The following JADE3 variants were observed in gnomAD, a reference collection of about 807,000 sequenced individuals.
JADE3 encodes protein Jade-3.
JADE3 carries 2 observed loss-of-function variants against 50.1 expected under a neutral mutation model. The ratio of observed to expected loss-of-function variants is 0.04; its 90% CI spans 0.02 to 0.13. The LOEUF is 0.13. Among genes scored for constraint, JADE3 ranks in the 10% least tolerant of loss-of-function variants. JADE3 has a pLI of 1.00. For missense variants in JADE3, 475 were observed against 634.4 expected (o/e 0.75, Z 2.70); for synonymous variants, 218 against 232.9 (o/e 0.94, Z 0.58).
chrX:46,925,237 AT>A (rs1358985415), intron 1 of JADE3, among the ~76,000 whole-genome samples: 5 of 112,342 alleles, frequency 4.5e-5, no homozygotes, highest in Non-Finnish European at 7.5e-5. Context: ...CCCAGGGTTA[AT>A]TTTGATTACT....
At chrX:47,028,784 TG>T (rs1569538004) in intron 6 of JADE3, among the ~76,000 whole-genome samples, 1 of 111,316 alleles carries the variant, frequency 9.0e-6, no homozygotes, top group Non-Finnish European at 1.9e-5. Context: ...ACAAGCACTG[TG>T]TTCCAACAAA....
At position 47,058,964 on chromosome X, in the gene JADE3, G is replaced by A. The variant is rs1283787245; in HGVS notation, c.2359G>A (p.Val787Ile). ...AGAAAGTGATGGGAATAAAGAAAAA[G>A]TCAGGGTAAGGAAAGATAGCTCAGA... ...EAESDGNKEK[V>I]RVRKDSSDRE... Residue 787 changes from valine (V) to isoleucine (I), a missense_variant, in exon 11 of 11, where the codon GTC becomes ATC. Val to Ile is a conservative substitution (Grantham distance 29). Transcript: ENST00000614628. 1 of 1,210,745 alleles carries A rather than the reference G, an allele frequency of 8.3e-7. No individual in the cohort carries two copies. Among genetic ancestry groups the A allele is most frequent in the Non-Finnish European group, 1.1e-6 (1 of 894,904 alleles).
chrX:47,004,658 C>T (rs1000558678), intron 4 of JADE3, among the ~76,000 whole-genome samples: 10 of 112,434 alleles, frequency 8.9e-5, no homozygotes, highest in African/African-American at 3.2e-4. Flanking sequence ...GTCTGAAACT[C>T]CTGGGCTCAA....
chrX:47,033,835 C>G, intron 7 of JADE3, 47 bp downstream of exon 7: 1 of 1,029,398 alleles, frequency 9.7e-7, no homozygotes, highest in Admixed American at 3.0e-5. Context: ...CAGGGTGTCC[C>G]TGTTCCCCAC....
At chrX:46,975,910 C>T (rs1225714595) in intron 1 of JADE3, among the ~76,000 whole-genome samples, 1 of 107,321 alleles carries the variant, frequency 9.3e-6, no homozygotes, top group East Asian at 2.9e-4. Context: ...AGTAGAGACG[C>T]GGTTTCACCA....
intron 4 of JADE3, among the ~76,000 whole-genome samples, chrX:47,019,369 A>G (rs188920597): frequency 9.0e-6 from 1 of 111,402 alleles, no homozygotes; most frequent in East Asian, 2.8e-4. Flanking sequence ...TTATTACAGT[A>G]ACTACTATCT....
chrX:46,980,776 A>AACC (rs1927730375), intron 1 of JADE3, among the ~76,000 whole-genome samples: 5 of 111,569 alleles, frequency 4.5e-5, no homozygotes, highest in African/African-American at 1.6e-4. Context: ...TACATTTTGT[A>AACC]TATTAGGTTG....
rs781943318 is a variant in JADE3, at chrX:46,950,348, T to C, written c.-11-34536T>C. Among the ~76,000 whole-genome samples the C allele has an allele frequency of 7.1e-5, 8 of 112,510 alleles. No homozygotes were observed. In the East Asian group the frequency reaches 2.2e-3, roughly 31 times the overall value. ...GCAACTACTAATCTACTTTCTGCCA[T>C]TGTAGATGTGGACATTTCATATAAA... On this transcript the variant is annotated intron_variant, in intron 1 of 10. Coordinates refer to ENST00000614628, the MANE Select transcript of JADE3 (RefSeq NM_014735.5).
At chrX:47,043,002 CAG>C (rs1929297623) in intron 8 of JADE3, among the ~76,000 whole-genome samples, 1 of 111,630 alleles carries the variant, frequency 9.0e-6, no homozygotes, top group African/African-American at 3.3e-5. Context: ...CAACTCAGCA[CAG>C]AGAGAGACTT....
rs1927848187 is a variant in JADE3 at position 46,985,758 on chromosome X, C to T, written c.92C>T (p.Ser31Leu). 2 of 1,196,841 alleles carry T rather than the reference C, an allele frequency of 1.7e-6. No individual in the cohort carries two copies. Among genetic ancestry groups the T allele is most frequent in the Admixed American group, 2.2e-5 (1 of 45,684 alleles). ...TCTGGCTCAATGTATAGGATCAAGT[C>T]AAAAATTCCAAATGAACACAAGAAA... ...FTSGSMYRIKSKIPNEHKKPA... is the reference protein window; with the variant it reads ...FTSGSMYRIKLKIPNEHKKPA... Residue 31 changes from serine (S) to leucine (L), a missense_variant, in exon 3 of 11, where the codon TCA (serine) becomes TTA (leucine). By Grantham distance (145) the Ser-to-Leu change is moderately radical (BLOSUM62 -2). Around this residue, in one of 6 missense-constraint regions of JADE3, gnomAD observed 31 missense variants for 29.3 expected, o/e 1.06. Coordinates refer to ENST00000614628, the MANE Select transcript of JADE3 (RefSeq NM_014735.5).
chrX:46,968,270 TTTGAG>T (rs1172734480), intron 1 of JADE3, among the ~76,000 whole-genome samples: 1 of 112,136 alleles, frequency 8.9e-6, no homozygotes, highest in South Asian at 3.7e-4. Context: ...AATTTTTTAT[TTTGAG>T]TTAAGAGATT....
Position 46,976,894 on chromosome X carries a change from A to G in JADE3, c.-11-7990A>G, listed in dbSNP as rs149228548. Among the ~76,000 whole-genome samples, 7 of 111,691 alleles carry G rather than the reference A, an allele frequency of 6.3e-5. No individual in the cohort carries two copies. The East Asian group carries it at 1.7e-3, about 27-fold the overall frequency. On this transcript the variant is annotated intron_variant, in intron 1 of 10. Coordinates refer to ENST00000614628, the MANE Select transcript of JADE3 (RefSeq NM_014735.5). ...CATGACAGGGACATCACAGAAAACAATTGTTTGCCGTATGCTTTCAGGTGT... is the reference window on the plus strand; with the variant it reads ...CATGACAGGGACATCACAGAAAACAGTTGTTTGCCGTATGCTTTCAGGTGT...
chrX:46,921,243 T>C (rs1451837369), intron 1 of JADE3, among the ~76,000 whole-genome samples: 1 of 111,903 alleles, frequency 8.9e-6, no homozygotes, highest in Non-Finnish European at 1.9e-5. Context: ...TGCCCACCTA[T>C]TTTTAAATAT....
intron 1 of JADE3, among the ~76,000 whole-genome samples, chrX:46,976,093 A>G (rs782083638): frequency 9.0e-6 from 1 of 111,531 alleles, no homozygotes; most frequent in South Asian, 3.8e-4. Context: ...GAATATGTTT[A>G]AAGTAGAGCA....
intron 8 of JADE3, among the ~76,000 whole-genome samples, chrX:47,050,961 T>C (rs1556371833): frequency 8.9e-6 from 1 of 112,310 alleles, no homozygotes; most frequent in African/African-American, 3.2e-5. Context: ...TAAAAGTACA[T>C]CTTGAACTTT....
At chrX:46,974,147 T>C (rs782440944) in intron 1 of JADE3, among the ~76,000 whole-genome samples, 15 of 111,041 alleles carry the variant, frequency 1.4e-4, no homozygotes, top group Non-Finnish European at 2.6e-4. Context: ...CTCACGCCTG[T>C]AATCCCAGCA....
At chrX:47,019,560 C>A (rs1486231600) in intron 4 of JADE3, among the ~76,000 whole-genome samples, 1 of 111,724 alleles carries the variant, frequency 9.0e-6, no homozygotes, top group Non-Finnish European at 1.9e-5. Context: ...CTATCTAGTT[C>A]ATTTTTAAGG....
At chrX:47,022,465 TCAGGCTTTTGGAAG>T (rs1569537761) in intron 4 of JADE3, among the ~76,000 whole-genome samples, 1 of 112,158 alleles carries the variant, frequency 8.9e-6, no homozygotes, top group African/African-American at 3.2e-5. Flanking sequence ...TTATTTGGAA[TCAGGCTTTTGGAAG>T]AATGCTTATT....
At chrX:47,042,635 C>T (rs1381718971) in intron 8 of JADE3, among the ~76,000 whole-genome samples, 3 of 111,778 alleles carry the variant, frequency 2.7e-5, no homozygotes, top group Non-Finnish European at 5.6e-5. Flanking sequence ...GGGGAGGAAA[C>T]GTAGAAAGGA....
Sources: allele counts gnomAD v4.1 joint callset (sites outside exome capture counted in the v4.1 genomes callset), GRCh38; gene constraint gnomAD v4.1.1; regional missense constraint gnomAD v4.1.1; transcripts MANE v1.5; gene names NCBI Gene and HGNC (gene_info 2026-07-23, HGNC 2026-07-21).